Variants in MPHOSPH9 observed in about 807,000 individuals in gnomAD.
The protein encoded by MPHOSPH9 is M-phase phosphoprotein 9.
In MPHOSPH9, 88 loss-of-function variants were observed where a neutral mutation model predicts 145.5. The ratio of observed to expected loss-of-function variants is 0.60; its 90% CI spans 0.51 to 0.72. MPHOSPH9 has a LOEUF of 0.72. Ranked by LOEUF, MPHOSPH9 falls within the 30% of genes least tolerant of loss-of-function variation. The pLI, the probability that MPHOSPH9 is intolerant of heterozygous loss-of-function variation, is 0.00. For synonymous variants in MPHOSPH9, 435 were observed against 486.2 expected (o/e 0.89, Z 1.39); for missense variants, 1,238 against 1,386.6 (o/e 0.89, Z 1.70).
At chr12:123,211,795 G>A (rs1159605053) in intron 7 of MPHOSPH9, among the ~76,000 whole-genome samples, 1 of 136,512 alleles carries the variant, frequency 7.3e-6, no homozygotes, top group Admixed American at 8.4e-5. Context: ...CCGAGCTCAA[G>A]CCATCATTCC....
At chr12:123,205,009 C>T (rs1236865431) in intron 8 of MPHOSPH9, among the ~76,000 whole-genome samples, 1 of 152,104 alleles carries the variant, frequency 6.6e-6, no homozygotes, top group Non-Finnish European at 1.5e-5. Flanking sequence ...CAAGGTGGGA[C>T]GTATTATAGG....
chr12:123,161,360 T>A lies in MPHOSPH9; in HGVS notation c.3157A>T (p.Thr1053Ser). 6.2e-7 allele frequency: 1 copy of A among 1,614,100 alleles called. No homozygotes were observed. The highest frequency in any genetic ancestry group is 8.5e-7 in the Non-Finnish European group (1 of 1,179,996). ...GAGCTATGATTAACATGGTTATCGGTGGCTTTCTCAGAATAAGTTTTTTCT... is the reference window on the plus strand; with the variant it reads ...GAGCTATGATTAACATGGTTATCGGAGGCTTTCTCAGAATAAGTTTTTTCT... ...SEEKTYSEKA[T>S]DNHVNHSSCP... Residue 1053 changes from threonine (T) to serine (S), a missense_variant, in exon 22 of 24, where the codon ACC (threonine) becomes TCC (serine). Physicochemically the swap from Thr to Ser is moderately conservative, Grantham distance 58. Coordinates refer to ENST00000606320, the MANE Select transcript of MPHOSPH9 (RefSeq NM_022782.4).
At chr12:123,168,915 C>T (rs1469569998) in intron 16 of MPHOSPH9, among the ~76,000 whole-genome samples, 1 of 150,778 alleles carries the variant, frequency 6.6e-6, no homozygotes, top group Non-Finnish European at 1.5e-5. Context: ...GACAGAGTCT[C>T]ACTCTGTCGC....
chr12:123,210,186 TAGAAAAGAGTG>T, intron 7 of MPHOSPH9, 24 bp from the exon 8 acceptor site: 2 of 1,379,878 alleles, frequency 1.4e-6, no homozygotes, highest in Non-Finnish European at 2.0e-6. Context: ...ACACACAGAA[TAGAAAAGAGTG>T]AGAAAAAAAC....
rs1377796780 is a variant in MPHOSPH9, at chr12:123,155,240, A to G, written c.*1567T>C. On this transcript the variant is annotated 3_prime_UTR_variant, in exon 24 of 24. Transcript: ENST00000606320. The stretch of plus-strand genomic sequence containing the variant: ...AAATAAAATAAAATAAAAATAAAAA[A>G]CAAGAATAAAGGCACTTGATTCTAA... 6.6e-6 allele frequency: 1 copy of G among 152,136 alleles called. No homozygotes were observed. Among genetic ancestry groups the G allele is most frequent in the African/African-American group, 2.4e-5 (1 of 41,442 alleles). 9.4% of individuals were successfully genotyped at this position (152,136 alleles called of 1,614,324 possible). A position where few individuals can be genotyped will look rare whatever the true frequency, so the allele number is the denominator to read the frequency against.
intron 15 of MPHOSPH9, among the ~76,000 whole-genome samples, chr12:123,178,512 T>C (rs2044982069): frequency 6.6e-6 from 1 of 151,906 alleles, no homozygotes; most frequent in Non-Finnish European, 1.5e-5. Context: ...TAAATATTTC[T>C]CTTTTCTATC....
intron 12 of MPHOSPH9, among the ~76,000 whole-genome samples, chr12:123,196,333 A>G (rs1261963970): frequency 6.6e-6 from 1 of 152,124 alleles, no homozygotes; most frequent in Non-Finnish European, 1.5e-5. Flanking sequence ...CTGGGCAACA[A>G]GGGCGAGACT....
intron 13 of MPHOSPH9, among the ~76,000 whole-genome samples, chr12:123,189,101 T>TG: frequency 6.6e-6 from 1 of 152,278 alleles, no homozygotes; most frequent in South Asian, 2.1e-4. Flanking sequence ...AAAGGCAATG[T>TG]AAATGTAGCT....
chr12:123,199,225 G>T (rs1055533854), intron 11 of MPHOSPH9, among the ~76,000 whole-genome samples: 1 of 152,090 alleles, frequency 6.6e-6, no homozygotes, highest in Non-Finnish European at 1.5e-5. Flanking sequence ...GGACTCATGC[G>T]ATCCAATTTA....
At chr12:123,195,428 T>C (rs2045900368) in intron 12 of MPHOSPH9, among the ~76,000 whole-genome samples, 1 of 151,138 alleles carries the variant, frequency 6.6e-6, no homozygotes, top group South Asian at 2.1e-4. Flanking sequence ...CTACTAAAAA[T>C]ACAAAAAATT....
rs373578879 is a variant in MPHOSPH9 at position 123,210,039 on chromosome 12, G to A, written c.1194+17C>T. ...GCGTAAGCCACCGCGCCCGGCCACCGTGTGTTTTTAAATTACCTGGTTTGG... is the reference window on the plus strand; with the variant it reads ...GCGTAAGCCACCGCGCCCGGCCACCATGTGTTTTTAAATTACCTGGTTTGG... On this transcript the variant is annotated intron_variant, in intron 8 of 23. Transcript: ENST00000606320. The A allele has an allele frequency of 3.2e-5, 50 of 1,577,446 alleles. No individual in the cohort carries two copies. The highest frequency in any genetic ancestry group is 2.4e-4 in the African/African-American group (18 of 73,606).
chr12:123,156,637 C>A lies in MPHOSPH9; in HGVS notation c.*170G>T. The stretch of plus-strand genomic sequence containing the variant: ...AGATTCCTGAGCATAACAAAAATAT[C>A]TTGAAAATATGTGGCCATTTGAAGT... On this transcript the variant is annotated 3_prime_UTR_variant, in exon 24 of 24. Coordinates refer to ENST00000606320, the MANE Select transcript of MPHOSPH9 (RefSeq NM_022782.4). 4.5e-6 allele frequency: 2 copies of A among 447,630 alleles called. No individual in the cohort carries two copies. Among genetic ancestry groups the A allele is most frequent in the East Asian group, 3.2e-5 (1 of 30,910 alleles). The allele number at this position is 447,630 out of a possible 1,614,324, so 27.7% of individuals were successfully genotyped here.
Position 123,164,026 on chromosome 12 carries a change from C to G in MPHOSPH9, c.2832G>C (p.Gln944His), listed in dbSNP as rs750203643. The G allele has an allele frequency of 7.4e-6, 12 of 1,614,030 alleles. No individual in the cohort carries two copies. The South Asian group carries it at 1.3e-4, about 18-fold the overall frequency. ...ASRSPEKCAQ[Q>H]RQKRLNSASQ... The stretch of plus-strand genomic sequence containing the variant: ...AGGCCGAATTAAGTCTCTTTTGTCT[C>G]TGTTGGGCACACTTTTCTGGAGAAC... The change falls in exon 19 of 24, where the codon CAG (glutamine) becomes CAC (histidine). Residue 944 changes from glutamine to histidine, a missense_variant. By Grantham distance (24) the Gln-to-His change is conservative (BLOSUM62 0). Around this residue, in one of 3 missense-constraint regions of MPHOSPH9, gnomAD observed 393 missense variants for 462.5 expected, o/e 0.85. Coordinates refer to ENST00000606320, the MANE Select transcript of MPHOSPH9 (RefSeq NM_022782.4).
At chr12:123,235,844 G>A (rs111818294), upstream of MPHOSPH9, among the ~76,000 whole-genome samples, 7,388 of 151,718 alleles carry the variant, frequency 0.049, 317 homozygotes, top group East Asian at 0.26. Flanking sequence ...CAAGCGGATC[G>A]CTTGAGGTCA....
At chr12:123,242,652 A>T (rs2047959433) in intron 1 of MPHOSPH9, among the ~76,000 whole-genome samples, 1 of 152,190 alleles carries the variant, frequency 6.6e-6, no homozygotes, top group African/African-American at 2.4e-5. Flanking sequence ...GACCTTCTTG[A>T]ACTCCAGCTG....
At chr12:123,198,911 GTATC>G (rs2046095373) in intron 11 of MPHOSPH9, among the ~76,000 whole-genome samples, 1 of 147,852 alleles carries the variant, frequency 6.8e-6, no homozygotes, top group Non-Finnish European at 1.5e-5. Context: ...AAAAAAATCT[GTATC>G]TATATATATG....
intron 23 of MPHOSPH9, 105 bp downstream of exon 23, chr12:123,160,674 AGT>A (rs1446635410): frequency 1.0e-6 from 1 of 972,894 alleles, no homozygotes; most frequent in African/African-American, 1.7e-5. Context: ...CTGCTGCTTC[AGT>A]GTGTCTAATT....
At chr12:123,186,099 C>T (rs1018731774) in intron 13 of MPHOSPH9, among the ~76,000 whole-genome samples, 4 of 151,726 alleles carry the variant, frequency 2.6e-5, no homozygotes, top group Middle Eastern at 3.4e-3. Flanking sequence ...GGGTGGTGTG[C>T]GCCTGTAATC....
chr12:123,227,731 A>G (rs1378307126), intron 2 of MPHOSPH9, 115 bp from the exon 3 acceptor site: 2 of 833,272 alleles, frequency 2.4e-6, no homozygotes, highest in African/African-American at 3.5e-5. Flanking sequence ...AATCCTTCTA[A>G]TGGCACCTCA....
Sources: gnomAD v4.1 joint callset for allele counts (sites outside exome capture counted in the v4.1 genomes callset) on GRCh38, gnomAD v4.1.1 for gene constraint, gnomAD v4.1.1 regional missense constraint, MANE v1.5 for transcripts, NCBI Gene and HGNC (gene_info 2026-07-23, HGNC 2026-07-21) for gene names.